SMIM36: variants seen among roughly 807,000 people sequenced by gnomAD.
The protein encoded by SMIM36 is small integral membrane protein 36.
intron 4 of SMIM36, among the ~76,000 whole-genome samples, chr17:55,457,590 G>C (rs560856917): frequency 6.6e-6 from 1 of 151,314 alleles, no homozygotes; most frequent in East Asian, 1.9e-4. Flanking sequence ...GCAATGGTGC[G>C]ATCTTGGCTC....
chr17:55,517,367 A>G, the SMIM36 span, among the ~76,000 whole-genome samples: 4 of 152,188 alleles, frequency 2.6e-5, no homozygotes, highest in Non-Finnish European at 5.9e-5. Flanking sequence ...CCTGGCCAAC[A>G]TGGTGAAACC....
intron 4 of SMIM36, among the ~76,000 whole-genome samples, chr17:55,458,939 C>T (rs568531284): frequency 1.3e-5 from 2 of 152,324 alleles, no homozygotes; most frequent in South Asian, 2.1e-4. Flanking sequence ...ATCCCTCTGT[C>T]CTTGTGATAA....
chr17:55,498,999 C>CAAAA (rs60117513), intron 1 of SMIM36, among the ~76,000 whole-genome samples: 33 of 67,000 alleles, frequency 4.9e-4, no homozygotes, highest in African/African-American at 6.0e-4. Flanking sequence ...ACTCTGTCAC[C>CAAAA]AAAAAAAAAA....
intron 1 of SMIM36, among the ~76,000 whole-genome samples, chr17:55,480,842 C>A (rs183830055): frequency 6.6e-6 from 1 of 152,228 alleles, no homozygotes; most frequent in Non-Finnish European, 1.5e-5. Flanking sequence ...CAGGGGCAAC[C>A]ATGATTATCT....
chr17:55,475,638 A>C (rs1033065468), intron 3 of SMIM36, among the ~76,000 whole-genome samples: 1 of 152,216 alleles, frequency 6.6e-6, no homozygotes, highest in South Asian at 2.1e-4. Flanking sequence ...TGACAACATA[A>C]AAAACTCAAG....
the SMIM36 span, among the ~76,000 whole-genome samples, chr17:55,520,075 C>T: frequency 2.6e-5 from 4 of 152,208 alleles, no homozygotes; most frequent in Non-Finnish European, 5.9e-5. Flanking sequence ...CTGGTCCTTG[C>T]TGTTTTCATC....
the SMIM36 span, among the ~76,000 whole-genome samples, chr17:55,524,193 G>A: frequency 1.3e-5 from 2 of 152,006 alleles, no homozygotes; most frequent in African/African-American, 2.4e-5. Context: ...CTGTTTCTGC[G>A]TTAGTTTGCT....
chr17:55,520,871 C>T, the SMIM36 span, among the ~76,000 whole-genome samples: 6,105 of 152,258 alleles, frequency 0.04, 377 homozygotes, highest in African/African-American at 0.14. Flanking sequence ...TGGCTCACAC[C>T]TGTAATCCCA....
the SMIM36 span, among the ~76,000 whole-genome samples, chr17:55,519,802 G>C: frequency 6.6e-6 from 1 of 152,224 alleles, no homozygotes. Flanking sequence ...CACCACGCCA[G>C]CTCAGGATTT....
intron 4 of SMIM36, among the ~76,000 whole-genome samples, chr17:55,466,093 C>T (rs569172282): frequency 1.0e-3 from 159 of 151,982 alleles, no homozygotes; most frequent in African/African-American, 3.4e-3. Flanking sequence ...GCCTGACCAA[C>T]ATGGTAAAAC....
At chr17:55,466,880 G>GT (rs763190614) in intron 4 of SMIM36, among the ~76,000 whole-genome samples, 5 of 152,182 alleles carry the variant, frequency 3.3e-5, no homozygotes, top group Admixed American at 6.5e-5. Flanking sequence ...CTTGCTCCGT[G>GT]TAAGTGCTTT....
At chr17:55,525,175 G>A in the SMIM36 span, among the ~76,000 whole-genome samples, 1 of 152,146 alleles carries the variant, frequency 6.6e-6, no homozygotes, top group Non-Finnish European at 1.5e-5. Context: ...ATTGAGATGT[G>A]CTAGTTCTTA....
chr17:55,460,482 C>G (rs567721671), intron 4 of SMIM36, among the ~76,000 whole-genome samples: 1 of 151,252 alleles, frequency 6.6e-6, no homozygotes, highest in South Asian at 2.1e-4. Context: ...AACAAAAAAG[C>G]TATAATGCTA....
chr17:55,527,107 G>A, the SMIM36 span: 3 of 152,248 alleles, frequency 2.0e-5, no homozygotes, highest in Admixed American at 1.3e-4. Flanking sequence ...TGGTGGTGGG[G>A]GTGTTTTGTA....
chr17:55,512,940 G>C (rs1193012686), upstream of SMIM36, among the ~76,000 whole-genome samples: 1 of 152,194 alleles, frequency 6.6e-6, no homozygotes, highest in East Asian at 1.9e-4. Context: ...ATGGGAACCT[G>C]AGCATTTGAA....
chr17:55,491,637 G>A (rs2144708994), intron 1 of SMIM36, among the ~76,000 whole-genome samples: 1 of 152,292 alleles, frequency 6.6e-6, no homozygotes, highest in East Asian at 1.9e-4. Context: ...GGGCCTCTCA[G>A]CTAACTAAAT....
the SMIM36 span, among the ~76,000 whole-genome samples, chr17:55,520,647 G>A: frequency 1.3e-5 from 2 of 152,228 alleles, no homozygotes; most frequent in East Asian, 1.9e-4. Flanking sequence ...GGAGTGGGAC[G>A]GCATGAGATT....
intron 3 of SMIM36, chr17:55,468,453 G>A (rs949632756): frequency 7.8e-5 from 12 of 153,146 alleles, no homozygotes; most frequent in African/African-American, 1.7e-4. Flanking sequence ...AAACTCCGAC[G>A]TCGGTCACGG....
intron 4 of SMIM36, among the ~76,000 whole-genome samples, chr17:55,460,286 G>C (rs1909116758): frequency 6.6e-6 from 1 of 152,006 alleles, no homozygotes; most frequent in Non-Finnish European, 1.5e-5. Flanking sequence ...AAATTAGCCA[G>C]GTGCGGTGGC....
Sources: gnomAD v4.1 joint callset for allele counts (sites outside exome capture counted in the v4.1 genomes callset) on GRCh38, gnomAD v4.1.1 for gene constraint, MANE v1.5 for transcripts, NCBI Gene and HGNC (gene_info 2026-07-23, HGNC 2026-07-21) for gene names.